LHX3: variants seen among roughly 807,000 people sequenced by gnomAD.
The protein encoded by LHX3 is LIM/homeobox protein Lhx3.
Under a neutral mutation model 32.4 loss-of-function variants are expected in LHX3, and 21 were observed. That is an observed-to-expected ratio of 0.65 (90% CI 0.46 to 0.93). The LOEUF is 0.93. Among genes scored for constraint, LHX3 ranks in the 40% least tolerant of loss-of-function variants. The pLI is 0.00. For missense variants in LHX3, 626 were observed against 560.0 expected, an observed-to-expected ratio of 1.12 and a Z score of -1.19; for synonymous variants, 258 against 246.8, an observed-to-expected ratio of 1.05 and a Z score of -0.43.
At chr9:136,203,554 G>A (rs906632057) in intron 1 of LHX3, among the ~76,000 whole-genome samples, 33 of 152,192 alleles carry the variant, frequency 2.2e-4, no homozygotes, top group African/African-American at 7.7e-4. Context: ...GTCGGCGGGA[G>A]CTCAACCCGA....
Position 136,197,230 on chromosome 9 carries a change from C to G in LHX3, c.*95G>C. The G allele has an allele frequency of 1.5e-6, 2 of 1,354,658 alleles. No homozygotes were observed. Among genetic ancestry groups the G allele is most frequent in the Non-Finnish European group, 2.1e-6 (2 of 964,050 alleles). The allele number at this position is 1,354,658 out of a possible 1,614,324, so 83.9% of individuals were successfully genotyped here. On this transcript the variant is annotated 3_prime_UTR_variant, in exon 6 of 6. Coordinates refer to ENST00000371748, the MANE Select transcript of LHX3 (RefSeq NM_178138.6). ...CGAAGGCACCAGCCCTCCCTTGACG[C>G]CCTGGCCCCACTTCCTCGGAAACCC... is the stretch of plus-strand genomic sequence containing the variant.
At chr9:136,200,826 G>A (rs893730355) in intron 1 of LHX3, 73 bp from the exon 2 acceptor site, 12 of 1,559,286 alleles carry the variant, frequency 7.7e-6, no homozygotes, top group South Asian at 4.5e-5. Flanking sequence ...ACCCCAACGC[G>A]AGCCAGTCTC....
chr9:136,199,559 G>T, intron 3 of LHX3, 119 bp downstream of exon 3: 1 of 1,102,982 alleles, frequency 9.1e-7, no homozygotes, highest in Non-Finnish European at 1.4e-6. Flanking sequence ...CACCGCCCTA[G>T]CCCAGGCCCC....
At chr9:136,197,823 C>A (rs1831535306) in intron 5 of LHX3, 80 bp from the exon 6 acceptor site, 10 of 1,501,008 alleles carry the variant, frequency 6.7e-6, no homozygotes, top group South Asian at 3.5e-5. Flanking sequence ...GGCGGAGGCA[C>A]CCCTGGGTCG....
intron 1 of LHX3, among the ~76,000 whole-genome samples, chr9:136,203,695 G>A (rs1315733066): frequency 6.6e-6 from 1 of 152,228 alleles, no homozygotes; most frequent in Non-Finnish European, 1.5e-5. Flanking sequence ...CAGGGAGGAA[G>A]GGCAATCCTT....
rs762978254 is a variant in LHX3 at position 136,200,773 on chromosome 9, C to A, written c.80-20G>T. The A allele has an allele frequency of 1.2e-5, 19 of 1,612,884 alleles. No homozygotes were observed. The highest frequency in any genetic ancestry group is 1.5e-5 in the Non-Finnish European group (18 of 1,179,994). ...GGATCTCTGTGGGCACGAGGAAGTT[C>A]TGGGTCACCTCGTAGACCAGGAGGC... On this transcript the variant is annotated intron_variant, in intron 1 of 5. Transcript: ENST00000371748.
In LHX3 at chr9:136,197,065, A is replaced by C. The variant is rs568726159; in HGVS notation, c.*260T>G. On this transcript the variant is annotated 3_prime_UTR_variant, in exon 6 of 6. Coordinates refer to ENST00000371748, the MANE Select transcript of LHX3 (RefSeq NM_178138.6). ...GCAGCAAGTGCTCAGTTAATTGGTC[A>C]ATAAAGGGGAGAAATTTGCTTACAA... is the stretch of plus-strand genomic sequence containing the variant. 1 of 581,116 alleles carries C rather than the reference A, an allele frequency of 1.7e-6. No individual in the cohort carries two copies. The highest frequency in any genetic ancestry group is 2.8e-5 in the East Asian group (1 of 35,176). The allele number at this position is 581,116 out of a possible 1,614,324, so 36.0% of individuals were successfully genotyped here. A position where few individuals can be genotyped will look rare whatever the true frequency, so the allele number is the denominator to read the frequency against.
chr9:136,201,101 C>T (rs946394984), intron 1 of LHX3: 14 of 1,406,740 alleles, frequency 1.0e-5, no homozygotes, highest in Non-Finnish European at 1.1e-5. Flanking sequence ...GAAAACCCCA[C>T]CCCAGGGGGA....
rs1831520741 is a variant in LHX3 at position 136,197,492 on chromosome 9, T to G, written c.1027A>C (p.Ser343Arg). ...GCTCCCGAGGGCACAAGGCCCAAGCTGGTGTCTGGGTACACCAGGCTGGAG... is the reference window on the plus strand; with the variant it reads ...GCTCCCGAGGGCACAAGGCCCAAGCGGGTGTCTGGGTACACCAGGCTGGAG... The part of the protein sequence containing the change: ...LLSSLVYPDT[S>R]LGLVPSGAPG... The change falls in exon 6 of 6, where the codon AGC becomes CGC. Residue 343 changes from serine (S) to arginine (R), a missense_variant. Transcript: ENST00000371748. 6.4e-7 allele frequency: 1 copy of G among 1,557,436 alleles called. No individual in the cohort carries two copies. Among genetic ancestry groups the G allele is most frequent in the South Asian group, 1.2e-5 (1 of 84,958 alleles).
chr9:136,202,627 T>C (rs1035301987), intron 1 of LHX3, among the ~76,000 whole-genome samples: 20 of 151,840 alleles, frequency 1.3e-4, no homozygotes, highest in Admixed American at 1.2e-3. Flanking sequence ...CCGTGGTCAC[T>C]GCCCCGCCAC....
intron 1 of LHX3, chr9:136,203,298 G>C (rs1364147923): frequency 1.7e-5 from 5 of 296,004 alleles, no homozygotes; most frequent in Non-Finnish European, 2.5e-5. Context: ...CCTTTGCGCC[G>C]GGACCTGCGG....
At chr9:136,203,030 G>C in intron 1 of LHX3, 1 of 1,520,800 alleles carries the variant, frequency 6.6e-7, no homozygotes, top group African/African-American at 1.4e-5. Flanking sequence ...AGCTCCCCGC[G>C]CGCCTCCATG....
chr9:136,203,022 C>T lies in LHX3; in HGVS notation c.79+1912G>A, dbSNP rs1010101748. 4 of 1,521,876 alleles carry T rather than the reference C, an allele frequency of 2.6e-6. No individual in the cohort carries two copies. In the African/African-American group the frequency reaches 4.3e-5, roughly 16 times the overall value. The allele number at this position is 1,521,876 out of a possible 1,614,324, so 94.3% of individuals were successfully genotyped here. A position where few individuals can be genotyped will look rare whatever the true frequency, so the allele number is the denominator to read the frequency against. Reference sequence around the variant, plus strand: ...CCGCCGACTCCCGGGCCGGGCCCAGCTCCCCGCGCGCCTCCATGGGTCCCG... The same window carrying T: ...CCGCCGACTCCCGGGCCGGGCCCAGTTCCCCGCGCGCCTCCATGGGTCCCG... On this transcript the variant is annotated intron_variant, in intron 1 of 5. Coordinates refer to ENST00000371748, the MANE Select transcript of LHX3 (RefSeq NM_178138.6).
At chr9:136,197,985 C>A (rs944272356) in intron 5 of LHX3, among the ~76,000 whole-genome samples, 5 of 152,170 alleles carry the variant, frequency 3.3e-5, no homozygotes, top group Non-Finnish European at 4.4e-5. Context: ...AACAGCCCAG[C>A]CAGGGCCCAG....
chr9:136,197,832 C>G (rs185690661), intron 5 of LHX3, 89 bp from the exon 6 acceptor site: 3 of 1,441,302 alleles, frequency 2.1e-6, no homozygotes, highest in Admixed American at 3.7e-5. Context: ...ACCCCTGGGT[C>G]GGAGAAAGAG....
rs190916587 is a variant in LHX3 at position 136,200,635 on chromosome 9, G to A, written c.198C>T (p.Ala66=). The A allele has an allele frequency of 5.6e-6, 9 of 1,613,520 alleles. No homozygotes were observed. The highest frequency in any genetic ancestry group is 2.2e-5 in the East Asian group (1 of 44,896). Reference sequence around the variant, plus strand: ...TCTCCCCTCGGCTGAAGCAGCGCTCGGCCAGTGGCGTGTGGCAGTCGCTGC... The same window carrying A: ...TCTCCCCTCGGCTGAAGCAGCGCTCAGCCAGTGGCGTGTGGCAGTCGCTGC... ...LKCSDCHTPL[A]ERCFSRGESV... Residue 66 remains alanine (A), a synonymous_variant, in exon 2 of 6, where the codon GCC becomes GCT. Coordinates refer to ENST00000371748, the MANE Select transcript of LHX3 (RefSeq NM_178138.6).
intron 2 of LHX3, 142 bp downstream of exon 2, chr9:136,200,440 T>C: frequency 1.0e-6 from 1 of 972,064 alleles, no homozygotes; most frequent in Non-Finnish European, 1.6e-6. Flanking sequence ...GGCCACAGGG[T>C]GCCCTGCCTG....
chr9:136,202,812 G>A, intron 1 of LHX3: 1 of 1,036,572 alleles, frequency 9.6e-7, no homozygotes, highest in Non-Finnish European at 1.4e-6. Flanking sequence ...AGGCGCCCAG[G>A]CGCGGACGTT....
rs1831565271 is a variant in LHX3 at position 136,198,934 on chromosome 9, T to C, written c.580A>G (p.Thr194Ala). ...TGCACCACGCGCATGTCCAGGCCCG[T>C]CTCGGACGAGAGCTGCTCGCGCACG... ...RHVREQLSSE[T>A]GLDMRVVQVW... The change falls in exon 4 of 6, where the codon ACG becomes GCG. Residue 194 changes from threonine to alanine, a missense_variant. Thr to Ala is a moderately conservative substitution (Grantham distance 58). Transcript: ENST00000371748. 3 of 1,588,622 alleles carry C rather than the reference T, an allele frequency of 1.9e-6. No individual in the cohort carries two copies. The highest frequency in any genetic ancestry group is 2.6e-6 in the Non-Finnish European group (3 of 1,172,020).
Sources: allele counts gnomAD v4.1 joint callset (sites outside exome capture counted in the v4.1 genomes callset), GRCh38; gene constraint gnomAD v4.1.1; transcripts MANE v1.5; gene names NCBI Gene and HGNC (gene_info 2026-07-23, HGNC 2026-07-21).